The following HCN1 variants were observed in gnomAD, a reference collection of about 807,000 sequenced individuals.
The protein encoded by HCN1 is hyperpolarization activated cyclic nucleotide gated potassium channel 1.
HCN1 carries 13 observed loss-of-function variants against 78.9 expected under a neutral mutation model. That is an observed-to-expected ratio of 0.16 (90% CI 0.11 to 0.26). The LOEUF is 0.26. HCN1 is among the 10% of genes least tolerant of loss of function. HCN1 has a pLI of 1.00. For missense variants in HCN1, 810 were observed against 1,154.3 expected (o/e 0.70, Z 4.32); for synonymous variants, 552 against 455.5 (o/e 1.21, Z -2.70).
intron 2 of HCN1, chr5:45,479,978 A>G (rs544589756): frequency 1.6e-4 from 25 of 152,676 alleles, no homozygotes; most frequent in African/African-American, 6.0e-4. Context: ...TTACACAAAA[A>G]CTTCTAATGA....
chr5:45,264,709 T>C (rs1744818994), intron 7 of HCN1, among the ~76,000 whole-genome samples: 1 of 152,172 alleles, frequency 6.6e-6, no homozygotes, highest in Admixed American at 6.5e-5. Flanking sequence ...AGAAGCATAA[T>C]GTTTCTTTCT....
intron 6 of HCN1, 87 bp from the exon 7 acceptor site, chr5:45,267,340 C>T: frequency 1.6e-6 from 2 of 1,239,352 alleles, no homozygotes; most frequent in Non-Finnish European, 2.3e-6. Flanking sequence ...TAAAACAAGT[C>T]TCATGGTGTG....
At chr5:45,682,290 C>CATACATATATATATATATAT (rs1340648040) in intron 1 of HCN1, among the ~76,000 whole-genome samples, 6 of 52,756 alleles carry the variant, frequency 1.1e-4, no homozygotes, top group Non-Finnish European at 2.1e-4. Context: ...TATATATATA[C>CATACATATATATATATATAT]ACATATATAT....
chr5:45,401,048 C>G (rs2112044976), intron 3 of HCN1, among the ~76,000 whole-genome samples: 1 of 152,308 alleles, frequency 6.6e-6, no homozygotes, highest in East Asian at 1.9e-4. Flanking sequence ...GCTTTTGCCA[C>G]TACAAACTAT....
At chr5:45,336,605 C>A (rs1166723902) in intron 5 of HCN1, among the ~76,000 whole-genome samples, 1 of 152,064 alleles carries the variant, frequency 6.6e-6, no homozygotes, top group East Asian at 1.9e-4. Context: ...GAGTCATTGA[C>A]ATAATCTAGG....
At chr5:45,461,626 G>T (rs549654761) in intron 3 of HCN1, among the ~76,000 whole-genome samples, 1 of 152,178 alleles carries the variant, frequency 6.6e-6, no homozygotes, top group East Asian at 1.9e-4. Flanking sequence ...TATAAAAGTA[G>T]ATGTTGTAAC....
chr5:45,634,726 T>C (rs1321815346), intron 2 of HCN1, among the ~76,000 whole-genome samples: 2 of 152,164 alleles, frequency 1.3e-5, no homozygotes, highest in Non-Finnish European at 2.9e-5. Context: ...AGATTAAAGA[T>C]TATCTAGAGC....
intron 3 of HCN1, among the ~76,000 whole-genome samples, chr5:45,435,873 CA>C (rs1740552429): frequency 6.6e-6 from 1 of 152,086 alleles, no homozygotes; most frequent in East Asian, 1.9e-4. Flanking sequence ...TAGAACATTT[CA>C]GGGGGAAAAT....
In HCN1 at chr5:45,445,973, C is replaced by T. The variant is rs1579900061; in HGVS notation, c.1011+15873G>A. ...CAGAAAAACTGGAAACTCTAAAAAGCAGAGCATCTCTCCTCCTCCAAAGGA... is the reference window on the plus strand; with the variant it reads ...CAGAAAAACTGGAAACTCTAAAAAGTAGAGCATCTCTCCTCCTCCAAAGGA... On this transcript the variant is annotated intron_variant, in intron 3 of 7. Transcript: ENST00000303230. Among the ~76,000 whole-genome samples the T allele has an allele frequency of 2.0e-5, 3 of 152,270 alleles. No homozygotes were observed. The East Asian group carries it at 5.8e-4, about 29-fold the overall frequency.
chr5:45,348,616 A>T (rs1746804007), intron 5 of HCN1, among the ~76,000 whole-genome samples: 1 of 152,224 alleles, frequency 6.6e-6, no homozygotes, highest in African/African-American at 2.4e-5. Flanking sequence ...TGTATTCAGG[A>T]AACCCATCTC....
chr5:45,493,947 T>C lies in HCN1; in HGVS notation c.850-31940A>G, dbSNP rs575639568. On this transcript the variant is annotated intron_variant, in intron 2 of 7. Transcript: ENST00000303230. ...ACATGAACTCATCATTTTTTATGGC[T>C]GCGTAGTATTCCATGGTGTATATGT... is the stretch of plus-strand genomic sequence containing the variant. Among the ~76,000 whole-genome samples the C allele has an allele frequency of 2.5e-3, 377 of 152,332 alleles. 3 individuals are homozygous for C. The highest frequency in any genetic ancestry group is 6.8e-3 in the Middle Eastern group (2 of 294).
At chr5:45,568,513 A>G (rs2111897226) in intron 2 of HCN1, among the ~76,000 whole-genome samples, 1 of 152,260 alleles carries the variant, frequency 6.6e-6, no homozygotes, top group African/African-American at 2.4e-5. Flanking sequence ...TGTTTAACTC[A>G]GTTATTGTGA....
intron 5 of HCN1, among the ~76,000 whole-genome samples, chr5:45,314,324 T>C (rs552454729): frequency 1.3e-5 from 2 of 152,092 alleles, no homozygotes; most frequent in East Asian, 3.9e-4. Flanking sequence ...AGAGATTATG[T>C]CACCACCAGG....
At chr5:45,336,461 G>T (rs1368946356) in intron 5 of HCN1, among the ~76,000 whole-genome samples, 4 of 152,056 alleles carry the variant, frequency 2.6e-5, no homozygotes. Context: ...TTCCAGTGGA[G>T]CTCAGTGTGC....
intron 6 of HCN1, among the ~76,000 whole-genome samples, chr5:45,290,171 C>G (rs921273015): frequency 6.6e-6 from 1 of 151,988 alleles, no homozygotes. Context: ...AGACATTCCC[C>G]CACTTCTCCT....
chr5:45,430,157 T>C (rs1046096360), intron 3 of HCN1, among the ~76,000 whole-genome samples: 1 of 152,172 alleles, frequency 6.6e-6, no homozygotes, highest in Admixed American at 6.6e-5. Flanking sequence ...AAATTATCTG[T>C]CTTACAATTA....
intron 2 of HCN1, among the ~76,000 whole-genome samples, chr5:45,569,418 G>C (rs1743780160): frequency 6.6e-6 from 1 of 152,064 alleles, no homozygotes; most frequent in Non-Finnish European, 1.5e-5. Flanking sequence ...AAATTCTTTT[G>C]AGAAATTCAG....
At chr5:45,329,609 T>G (rs1430782617) in intron 5 of HCN1, among the ~76,000 whole-genome samples, 1 of 151,466 alleles carries the variant, frequency 6.6e-6, no homozygotes. Flanking sequence ...ATGAAACAAA[T>G]GATCATAGAA....
At chr5:45,489,158 A>AACGATTCC (rs1741830454) in intron 2 of HCN1, among the ~76,000 whole-genome samples, 1 of 152,184 alleles carries the variant, frequency 6.6e-6, no homozygotes, top group Non-Finnish European at 1.5e-5. Flanking sequence ...AATCTGAGTT[A>AACGATTCC]CATTTGGAGT....
Sources: allele counts gnomAD v4.1 joint callset (sites outside exome capture counted in the v4.1 genomes callset), GRCh38; gene constraint gnomAD v4.1.1; transcripts MANE v1.5; gene names NCBI Gene and HGNC (gene_info 2026-07-23, HGNC 2026-07-21).